PRTFDC1: variants seen among roughly 807,000 people sequenced by gnomAD.
The protein encoded by PRTFDC1 is phosphoribosyl transferase domain containing 1.
In PRTFDC1, 38 loss-of-function variants were observed where a neutral mutation model predicts 34.6. The observed-to-expected ratio is 1.10, with a 90% CI of 0.85 to 1.44. The LOEUF (loss-of-function observed/expected upper bound fraction) is 1.44. Ranked by LOEUF, PRTFDC1 falls within the 40% of genes most tolerant of loss-of-function variation. The pLI is 0.00. For missense variants in PRTFDC1, 270 were observed against 283.0 expected, an observed-to-expected ratio of 0.95 and a Z score of 0.33; for synonymous variants, 93 against 98.1, an observed-to-expected ratio of 0.95 and a Z score of 0.31.
At position 24,939,742 on chromosome 10, in the gene PRTFDC1, C is replaced by T. The variant is rs539354229; in HGVS notation, c.156-2375G>A. 6.2e-5 allele frequency among the ~76,000 whole-genome samples: 9 copies of T among 144,740 alleles called. No homozygotes were observed. In the South Asian group the frequency reaches 1.3e-3, roughly 21 times the overall value. 95.0% of individuals were successfully genotyped at this position (144,740 alleles called of 152,430 possible). A position where few individuals can be genotyped will look rare whatever the true frequency, so the allele number is the denominator to read the frequency against. On this transcript the variant is annotated intron_variant, in intron 2 of 8. Coordinates refer to ENST00000320152, the MANE Select transcript of PRTFDC1 (RefSeq NM_020200.7). ...CCGGGAGTTGGAGGTTGCAGTGAGCCGAGATTGTGCCACTGCACTCCAGCC... is the reference window on the plus strand; with the variant it reads ...CCGGGAGTTGGAGGTTGCAGTGAGCTGAGATTGTGCCACTGCACTCCAGCC...
chr10:24,856,913 C>T lies in PRTFDC1; in HGVS notation c.506G>A (p.Ser169Asn). Residue 169 changes from serine (S) to asparagine (N), a missense_variant and splice_region_variant, in exon 6 of 9, where the codon AGT becomes AAT. By Grantham distance (46) the Ser-to-Asn change is conservative. Coordinates refer to ENST00000320152, the MANE Select transcript of PRTFDC1 (RefSeq NM_020200.7). ...ACCATGCTATGAATGTCCAACTCAC[C>T]TGGCTACCTTAATCATGTTGGGCTT... ...KYKPNMIKVA[S>N]LLVKRTSRSD... The T allele has an allele frequency of 6.2e-7, 1 of 1,608,468 alleles. No homozygotes were observed. The highest frequency in any genetic ancestry group is 8.5e-7 in the Non-Finnish European group (1 of 1,174,802).
intron 3 of PRTFDC1, chr10:24,908,718 A>T (rs1310751025): frequency 6.5e-7 from 1 of 1,548,578 alleles, no homozygotes; most frequent in Admixed American, 1.9e-5. Flanking sequence ...GCAGTGAGGG[A>T]GGAAGGAGAC....
intron 3 of PRTFDC1, among the ~76,000 whole-genome samples, chr10:24,894,415 GA>G (rs1488011890): frequency 6.6e-6 from 1 of 152,112 alleles, no homozygotes; most frequent in African/African-American, 2.4e-5. Flanking sequence ...CATGAGCTGT[GA>G]GTCATGCTCT....
At chr10:24,898,955 A>AGAAGCT (rs74358035) in intron 3 of PRTFDC1, among the ~76,000 whole-genome samples, 17,624 of 152,078 alleles carry the variant, frequency 0.12, 1,229 homozygotes, top group East Asian at 0.29. Context: ...TCTGGATACA[A>AGAAGCT]GAAGCTGGCC....
At chr10:24,882,856 G>T (rs1042743079) in intron 3 of PRTFDC1, among the ~76,000 whole-genome samples, 2 of 151,142 alleles carry the variant, frequency 1.3e-5, no homozygotes, top group African/African-American at 4.9e-5. Flanking sequence ...AAATCTAAAT[G>T]CAAAAGGCCA....
At chr10:24,910,358 AACC>A (rs1413891552) in intron 3 of PRTFDC1, among the ~76,000 whole-genome samples, 6 of 152,212 alleles carry the variant, frequency 3.9e-5, no homozygotes, top group Non-Finnish European at 5.9e-5. Flanking sequence ...AAAGCTGGCC[AACC>A]ACAAGTAAGT....
intron 3 of PRTFDC1, among the ~76,000 whole-genome samples, chr10:24,913,231 T>C (rs1046353022): frequency 6.6e-6 from 1 of 152,202 alleles, no homozygotes; most frequent in Non-Finnish European, 1.5e-5. Flanking sequence ...GATAACCTTG[T>C]AATTAGCTTC....
At chr10:24,893,810 G>A (rs1164313318) in intron 3 of PRTFDC1, among the ~76,000 whole-genome samples, 2 of 152,166 alleles carry the variant, frequency 1.3e-5, no homozygotes, top group Non-Finnish European at 2.9e-5. Context: ...ACCCAGGCCT[G>A]CCCCACAGCA....
chr10:24,949,739 A>AT (rs201933925), intron 1 of PRTFDC1, among the ~76,000 whole-genome samples: 107 of 117,080 alleles, frequency 9.1e-4, no homozygotes, highest in Non-Finnish European at 1.5e-3. Flanking sequence ...TTATTTATTT[A>AT]TTTTTTTTTT....
intron 1 of PRTFDC1, among the ~76,000 whole-genome samples, chr10:24,947,504 C>T (rs1286126336): frequency 6.6e-6 from 1 of 152,102 alleles, no homozygotes; most frequent in East Asian, 1.9e-4. Context: ...AAAACATAGC[C>T]AAGCTGGGGG....
intron 3 of PRTFDC1, among the ~76,000 whole-genome samples, chr10:24,922,592 C>T (rs570171096): frequency 1.4e-4 from 22 of 152,270 alleles, no homozygotes; most frequent in Middle Eastern, 3.4e-3. Context: ...TATGATTTTG[C>T]CCCTAATTTG....
chr10:24,890,995 G>A (rs1848250962), intron 3 of PRTFDC1, among the ~76,000 whole-genome samples: 1 of 152,236 alleles, frequency 6.6e-6, no homozygotes. Context: ...CTCATTTGTG[G>A]ATGCAAGGGA....
intron 3 of PRTFDC1, among the ~76,000 whole-genome samples, chr10:24,898,528 CAG>C (rs1848404739): frequency 6.7e-6 from 1 of 150,296 alleles, no homozygotes; most frequent in Non-Finnish European, 1.5e-5. Flanking sequence ...GTTCAAGTGA[CAG>C]TGGCACTCTA....
intron 3 of PRTFDC1, among the ~76,000 whole-genome samples, chr10:24,911,355 C>G (rs1197967748): frequency 6.6e-6 from 1 of 152,182 alleles, no homozygotes; most frequent in Non-Finnish European, 1.5e-5. Flanking sequence ...TCAAGTGTGG[C>G]TCTTTTACTG....
rs1849359254 is a variant in PRTFDC1 at position 24,952,319 on chromosome 10, G to C, written c.48+209C>G. 1.3e-5 allele frequency among the ~76,000 whole-genome samples: 2 copies of C among 152,058 alleles called. No homozygotes were observed. The highest frequency in any genetic ancestry group is 4.8e-5 in the African/African-American group (2 of 41,426). On this transcript the variant is annotated intron_variant, in intron 1 of 8. Transcript: ENST00000320152. The surrounding 1 kb of genome is among the most constrained non-coding windows in gnomAD (Gnocchi z 5.1). ...GGACACGGGGGGACGCTGGGAACTC[G>C]GGGTGAAGGGACGGGACTCAGAGTT...
intron 3 of PRTFDC1, among the ~76,000 whole-genome samples, chr10:24,933,971 G>T (rs1339926032): frequency 6.6e-6 from 1 of 152,022 alleles, no homozygotes; most frequent in African/African-American, 2.4e-5. Context: ...AGGATGACAG[G>T]CATGAGCCAC....
chr10:24,941,372 A>T (rs950716972), intron 2 of PRTFDC1, among the ~76,000 whole-genome samples: 2 of 145,808 alleles, frequency 1.4e-5, no homozygotes, highest in African/African-American at 5.1e-5. Context: ...TTACATCTTA[A>T]TTTTTTTTTT....
intron 3 of PRTFDC1, among the ~76,000 whole-genome samples, chr10:24,917,755 G>A (rs1025742307): frequency 3.9e-5 from 6 of 152,134 alleles, no homozygotes; most frequent in African/African-American, 1.4e-4. Flanking sequence ...TTCAGTGGGG[G>A]AGTCCCAAAT....
chr10:24,861,135 G>A (rs1847673676), intron 4 of PRTFDC1, among the ~76,000 whole-genome samples: 1 of 152,144 alleles, frequency 6.6e-6, no homozygotes, highest in South Asian at 2.1e-4. Flanking sequence ...TACTGATATT[G>A]AGAGATATTG....
Sources: allele counts gnomAD v4.1 joint callset (sites outside exome capture counted in the v4.1 genomes callset), GRCh38; gene constraint gnomAD v4.1.1; non-coding constraint Gnocchi (gnomAD v3.1); transcripts MANE v1.5; gene names NCBI Gene and HGNC (gene_info 2026-07-23, HGNC 2026-07-21).